FARS2: variants seen among roughly 807,000 people sequenced by gnomAD.
FARS2 encodes phenylalanyl-tRNA synthetase 2, mitochondrial.
Under a neutral mutation model 46.4 loss-of-function variants are expected in FARS2, and 40 were observed. The observed-to-expected ratio is 0.86, with a 90% CI of 0.67 to 1.12. FARS2 has a LOEUF of 1.12. Ranked by LOEUF, FARS2 falls within the 50% of genes most tolerant of loss-of-function variation. FARS2 has a pLI of 0.00. For synonymous variants in FARS2, 234 were observed against 214.9 expected (o/e 1.09, Z -0.78); for missense variants, 513 against 567.9 (o/e 0.90, Z 0.98).
At chr6:5,466,457 TC>T in intron 4 of FARS2, 2 of 908,738 alleles carry the variant, frequency 2.2e-6, no homozygotes, top group Non-Finnish European at 2.6e-6. Flanking sequence ...AGCTCTATAT[TC>T]CCAGGCTTAG....
chr6:5,607,285 ATGTGTGTGTGTGTGTGTG>A (rs200898031), intron 5 of FARS2, among the ~76,000 whole-genome samples: 3,361 of 74,974 alleles, frequency 0.045, 114 homozygotes, highest in African/African-American at 0.11. Context: ...AATAATATGT[ATGTGTGTGTGTGTGTGTG>A]TGTGTGTGTG....
rs1256946669 is a variant in FARS2 at position 5,546,644 on chromosome 6, C to A, written c.1065+1304C>A. Among the ~76,000 whole-genome samples, 3 of 151,862 alleles carry A rather than the reference C, an allele frequency of 2.0e-5. No individual in the cohort carries two copies. The South Asian group carries it at 6.2e-4, about 32-fold the overall frequency. The stretch of plus-strand genomic sequence containing the variant: ...CCATTTGATCCTATGCCATAGAACT[C>A]TGATGAAAGGTTTTTTTAATTAACG... On this transcript the variant is annotated intron_variant, in intron 5 of 6. Transcript: ENST00000274680.
intron 5 of FARS2, among the ~76,000 whole-genome samples, chr6:5,571,304 C>T (rs539360080): frequency 7.2e-5 from 11 of 152,328 alleles, no homozygotes; most frequent in South Asian, 6.2e-4. Flanking sequence ...TTAATTCATG[C>T]GTCTTCTGTG....
intron 4 of FARS2, among the ~76,000 whole-genome samples, chr6:5,453,240 C>A (rs923590315): frequency 6.6e-6 from 1 of 151,850 alleles, no homozygotes; most frequent in Non-Finnish European, 1.5e-5. Flanking sequence ...AACCAAGGGG[C>A]AAAAGGTAAA....
At chr6:5,428,235 T>C (rs1036480554) in intron 3 of FARS2, among the ~76,000 whole-genome samples, 2 of 152,194 alleles carry the variant, frequency 1.3e-5, no homozygotes, top group African/African-American at 2.4e-5. Flanking sequence ...ACCTAAGATA[T>C]TACAGTTGTG....
At chr6:5,362,872 T>G (rs1002115502) in intron 1 of FARS2, among the ~76,000 whole-genome samples, 2 of 152,062 alleles carry the variant, frequency 1.3e-5, no homozygotes, top group Non-Finnish European at 2.9e-5. Flanking sequence ...TGACCATTTA[T>G]ATGTCTTCTT....
chr6:5,762,725 A>G (rs1762542323), intron 6 of FARS2, among the ~76,000 whole-genome samples: 1 of 152,198 alleles, frequency 6.6e-6, no homozygotes, highest in Non-Finnish European at 1.5e-5. Flanking sequence ...CCCTGCCTCC[A>G]TCAAGGCCTG....
chr6:5,363,558 A>C (rs1000860657), intron 1 of FARS2, among the ~76,000 whole-genome samples: 3 of 152,124 alleles, frequency 2.0e-5, no homozygotes, highest in Middle Eastern at 3.2e-3. Flanking sequence ...GGAGAGAAAG[A>C]GTATGTGTAT....
intron 3 of FARS2, among the ~76,000 whole-genome samples, chr6:5,417,788 A>G (rs1190029077): frequency 6.6e-6 from 1 of 152,176 alleles, no homozygotes; most frequent in African/African-American, 2.4e-5. Flanking sequence ...GAAATCTGGA[A>G]AATTGTGGTC....
At chr6:5,467,250 T>A in intron 4 of FARS2, 1 of 237,650 alleles carries the variant, frequency 4.2e-6, no homozygotes, top group Non-Finnish European at 6.8e-6. Flanking sequence ...TACCCATTCT[T>A]AACCAATCCT....
chr6:5,284,974 A>T (rs527256256), intron 1 of FARS2, among the ~76,000 whole-genome samples: 80 of 152,138 alleles, frequency 5.3e-4, no homozygotes, highest in Non-Finnish European at 1.0e-3. Context: ...CCCCCACCCC[A>T]AGTCAGCTTC....
At chr6:5,754,136 G>A (rs1311547649) in intron 6 of FARS2, among the ~76,000 whole-genome samples, 1 of 152,172 alleles carries the variant, frequency 6.6e-6, no homozygotes, top group East Asian at 1.9e-4. Context: ...ACTGTGTTAG[G>A]ATCTCATACA....
At chr6:5,341,251 TTTTTTTC>T in intron 1 of FARS2, among the ~76,000 whole-genome samples, 3 of 89,028 alleles carry the variant, frequency 3.4e-5, no homozygotes, top group African/African-American at 1.3e-4. Context: ...TTTTTTTTTT[TTTTTTTC>T]CCTGTGAGAG....
At chr6:5,754,168 G>T (rs1248126393) in intron 6 of FARS2, among the ~76,000 whole-genome samples, 1 of 152,188 alleles carries the variant, frequency 6.6e-6, no homozygotes, top group African/African-American at 2.4e-5. Flanking sequence ...CTGACTTAAA[G>T]GTGATGAAAC....
chr6:5,283,764 C>A (rs1462854778), intron 1 of FARS2, among the ~76,000 whole-genome samples: 1 of 151,130 alleles, frequency 6.6e-6, no homozygotes, highest in African/African-American at 2.5e-5. Flanking sequence ...CTCACAGATA[C>A]CCTGTATCAA....
Position 5,431,173 on chromosome 6 carries a change from G to T in FARS2, c.904+1G>T, listed in dbSNP as rs1407523793. 6.2e-7 allele frequency: 1 copy of T among 1,613,396 alleles called. No individual in the cohort carries two copies. The highest frequency in any genetic ancestry group is 1.7e-5 in the Admixed American group (1 of 59,986). ...ATGGAACAACAACTGGTCAATTCAG[G>T]TAAAAAAGAATCCCACATTTTATTT... On this transcript the variant is annotated splice_donor_variant, in intron 4 of 6. Transcript: ENST00000274680. LOFTEE classifies it high-confidence loss of function.
chr6:5,415,996 T>C lies in FARS2; in HGVS notation c.772+11295T>C, dbSNP rs1762218520. On this transcript the variant is annotated intron_variant, in intron 3 of 6. Coordinates refer to ENST00000274680, the MANE Select transcript of FARS2 (RefSeq NM_006567.5). ...TGCTGGGATTACAGGTGTGAGCTAT[T>C]GCGCCTGGCCCTATTATCTTTTTAT... Among the ~76,000 whole-genome samples, 3 of 152,216 alleles carry C rather than the reference T, an allele frequency of 2.0e-5. No individual in the cohort carries two copies. In the South Asian group the frequency reaches 6.2e-4, roughly 32 times the overall value.
chr6:5,613,037 C>A, intron 5 of FARS2, 132 bp from the exon 6 acceptor site: 1 of 705,108 alleles, frequency 1.4e-6, no homozygotes, highest in Non-Finnish European at 2.4e-6. Context: ...TCATTTTGTT[C>A]TGCAAATTTA....
At chr6:5,649,051 C>T (rs1215679205) in intron 6 of FARS2, among the ~76,000 whole-genome samples, 2 of 152,210 alleles carry the variant, frequency 1.3e-5, no homozygotes, top group South Asian at 4.1e-4. Flanking sequence ...AGACTTACTA[C>T]AAAATGTCTT....
Sources: gnomAD v4.1 joint callset for allele counts (sites outside exome capture counted in the v4.1 genomes callset) on GRCh38, gnomAD v4.1.1 for gene constraint, MANE v1.5 for transcripts, NCBI Gene and HGNC (gene_info 2026-07-23, HGNC 2026-07-21) for gene names.